Variants in FOXP2 observed in about 807,000 individuals in gnomAD.
FOXP2 encodes the protein forkhead box protein P2.
FOXP2 carries 12 observed loss-of-function variants against 115.8 expected under a neutral mutation model. That is an observed-to-expected ratio of 0.10 (90% CI 0.07 to 0.17). The LOEUF (loss-of-function observed/expected upper bound fraction) is 0.17. Among genes scored for constraint, FOXP2 ranks in the 10% least tolerant of loss-of-function variants. The probability of loss-of-function intolerance (pLI) is 1.00; values close to 1 mark genes in which losing one functional copy is unlikely to be tolerated. For missense variants in FOXP2, 629 were observed against 843.5 expected, an observed-to-expected ratio of 0.75 and a Z score of 3.15; for synonymous variants, 328 against 297.7, an observed-to-expected ratio of 1.10 and a Z score of -1.05.
intron 2 of FOXP2, among the ~76,000 whole-genome samples, chr7:114,490,097 A>T (rs1796964853): frequency 6.6e-6 from 1 of 152,164 alleles, no homozygotes; most frequent in South Asian, 2.1e-4. Flanking sequence ...GAAAACTTAT[A>T]TCCACACAAC....
intron 3 of FOXP2, among the ~76,000 whole-genome samples, chr7:114,536,912 C>T (rs1208265765): frequency 6.6e-6 from 1 of 151,374 alleles, no homozygotes. Flanking sequence ...TTTAGTATTT[C>T]ATAGGACTTG....
chr7:114,339,501 T>A (rs1165153104), intron 2 of FOXP2, among the ~76,000 whole-genome samples: 1 of 151,024 alleles, frequency 6.6e-6, no homozygotes, highest in African/African-American at 2.4e-5. Flanking sequence ...CTTTCGTATG[T>A]TTAGTTTTAC....
intron 3 of FOXP2, among the ~76,000 whole-genome samples, chr7:114,606,436 T>C (rs1158641691): frequency 6.6e-6 from 1 of 152,178 alleles, no homozygotes. Context: ...ACAAAAACTC[T>C]AAACATTTAG....
rs150287424 is a variant in FOXP2 at position 114,450,585 on chromosome 7, A to C, written c.168+23906A>C. ...GTCTTTTGTGATGCACATTCAGAAA[A>C]GTTTCGGTCAAGAGGTCATACCGCT... is the stretch of plus-strand genomic sequence containing the variant. On this transcript the variant is annotated intron_variant, in intron 2 of 16. Transcript: ENST00000350908. Among the ~76,000 whole-genome samples the C allele has an allele frequency of 4.3e-4, 66 of 152,206 alleles. 1 individual carries two copies. The East Asian group carries it at 0.012, about 28-fold the overall frequency.
intron 2 of FOXP2, among the ~76,000 whole-genome samples, chr7:114,309,186 A>T (rs547149157): frequency 6.6e-6 from 1 of 152,326 alleles, no homozygotes; most frequent in Non-Finnish European, 1.5e-5. Context: ...ATCTCCCATT[A>T]TAAAATACAC....
At chr7:114,298,666 A>C (rs1301788210) in intron 2 of FOXP2, among the ~76,000 whole-genome samples, 1 of 152,182 alleles carries the variant, frequency 6.6e-6, no homozygotes, top group African/African-American at 2.4e-5. Flanking sequence ...CTAAGACTTG[A>C]ACTAAGGCAG....
At chr7:114,478,046 C>T (rs1473999014) in intron 2 of FOXP2, among the ~76,000 whole-genome samples, 1 of 151,674 alleles carries the variant, frequency 6.6e-6, no homozygotes, top group African/African-American at 2.4e-5. Context: ...TAGCTAGACA[C>T]TTATGAGGTA....
intron 2 of FOXP2, among the ~76,000 whole-genome samples, chr7:114,528,280 T>A (rs1247629917): frequency 6.6e-6 from 1 of 152,060 alleles, no homozygotes; most frequent in East Asian, 1.9e-4. Flanking sequence ...AGCCCAAATA[T>A]TATATCCTCC....
chr7:114,639,110 A>G (rs1317794626), intron 6 of FOXP2, among the ~76,000 whole-genome samples: 1 of 152,208 alleles, frequency 6.6e-6, no homozygotes, highest in Admixed American at 6.5e-5. Context: ...CTGAGTTACC[A>G]GTAACATCGT....
At chr7:114,568,643 C>G (rs1052691826) in intron 3 of FOXP2, among the ~76,000 whole-genome samples, 2 of 151,732 alleles carry the variant, frequency 1.3e-5, no homozygotes, top group African/African-American at 4.8e-5. Flanking sequence ...CCCAAAGCTA[C>G]AAAACTAGAC....
intron 3 of FOXP2, among the ~76,000 whole-genome samples, chr7:114,537,368 C>G (rs182952740): frequency 6.6e-6 from 1 of 151,340 alleles, no homozygotes; most frequent in East Asian, 1.9e-4. Flanking sequence ...TTTAGAGAAC[C>G]AAAAGAGATA....
At chr7:114,329,363 G>GA (rs981899565) in intron 2 of FOXP2, among the ~76,000 whole-genome samples, 12 of 151,568 alleles carry the variant, frequency 7.9e-5, no homozygotes, top group Admixed American at 6.6e-4. Context: ...ACTAAAAATA[G>GA]AAAAAATTAG....
chr7:114,130,417 T>C (rs1001006942), intron 1 of FOXP2, among the ~76,000 whole-genome samples: 2 of 152,236 alleles, frequency 1.3e-5, no homozygotes, highest in East Asian at 3.8e-4. Flanking sequence ...TACATGTGCC[T>C]AAAGTGTTCA....
chr7:114,619,187 C>A (rs1014590793), intron 3 of FOXP2, among the ~76,000 whole-genome samples: 1 of 151,728 alleles, frequency 6.6e-6, no homozygotes, highest in Non-Finnish European at 1.5e-5. Flanking sequence ...ATAACATTAT[C>A]TGTTTGATCC....
rs566373652 is a variant in FOXP2 at position 114,620,616 on chromosome 7, A to T, written c.259-7924A>T. 2.0e-5 allele frequency among the ~76,000 whole-genome samples: 3 copies of T among 152,212 alleles called. No homozygotes were observed. The South Asian group carries it at 6.2e-4, about 32-fold the overall frequency. On this transcript the variant is annotated intron_variant, in intron 3 of 16. Coordinates refer to ENST00000350908, the MANE Select transcript of FOXP2 (RefSeq NM_014491.4). ...TAAATACAGCTTTATAATCTTATGG[A>T]AAGTCAGTTATTAAACAAAATATTG...
intron 2 of FOXP2, chr7:114,499,756 G>C (rs887614857): frequency 6.6e-6 from 1 of 152,000 alleles, no homozygotes; most frequent in Non-Finnish European, 1.5e-5. Context: ...CGATGTAATG[G>C]TCATTTTAAG....
intron 2 of FOXP2, among the ~76,000 whole-genome samples, chr7:114,495,228 T>C (rs1797253094): frequency 6.6e-6 from 1 of 152,194 alleles, no homozygotes. Flanking sequence ...CAGAGGCTTG[T>C]ATATCCCCTG....
chr7:114,475,734 T>C (rs912772985), intron 2 of FOXP2, among the ~76,000 whole-genome samples: 1 of 151,960 alleles, frequency 6.6e-6, no homozygotes, highest in Non-Finnish European at 1.5e-5. Context: ...ACATCTCTTA[T>C]GGTTTTGAAG....
At chr7:114,550,006 A>G (rs1255287228) in intron 3 of FOXP2, among the ~76,000 whole-genome samples, 1 of 152,034 alleles carries the variant, frequency 6.6e-6, no homozygotes, top group Non-Finnish European at 1.5e-5. Context: ...CTCATAGGCC[A>G]GTAAGTTAAA....
Sources: allele counts gnomAD v4.1 joint callset (sites outside exome capture counted in the v4.1 genomes callset), GRCh38; gene constraint gnomAD v4.1.1; transcripts MANE v1.5; gene names NCBI Gene and HGNC (gene_info 2026-07-23, HGNC 2026-07-21).